The following KIF7 variants were observed in gnomAD, a reference collection of about 807,000 sequenced individuals.
The protein encoded by KIF7 is kinesin-like protein KIF7.
Under a neutral mutation model 135.7 loss-of-function variants are expected in KIF7, and 104 were observed. That is an observed-to-expected ratio of 0.77 (90% CI 0.65 to 0.90). The LOEUF (loss-of-function observed/expected upper bound fraction) is 0.90. Ranked by LOEUF, KIF7 falls within the 40% of genes least tolerant of loss-of-function variation. The pLI is 0.00. For synonymous variants in KIF7, 883 were observed against 809.4 expected (o/e 1.09, Z -1.54); for missense variants, 2,005 against 1,839.1 (o/e 1.09, Z -1.65).
At chr15:89,625,506 G>T, downstream of KIF7, 1 of 1,613,838 alleles carries the variant, frequency 6.2e-7, no homozygotes, top group South Asian at 1.1e-5. Context: ...TCCACAGGAC[G>T]CCCATCTTGG....
At chr15:89,655,075 G>A (rs763053619) in intron 1 of KIF7, among the ~76,000 whole-genome samples, 1 of 152,244 alleles carries the variant, frequency 6.6e-6, no homozygotes, top group Non-Finnish European at 1.5e-5. Context: ...TGGAGGCGGC[G>A]GGCGCGGGAC....
intron 2 of KIF7, among the ~76,000 whole-genome samples, chr15:89,651,866 A>G (rs1398862186): frequency 6.6e-6 from 1 of 152,194 alleles, no homozygotes; most frequent in Admixed American, 6.5e-5. Context: ...AAATGGGATT[A>G]GTTCCCTTAT....
At chr15:89,639,989 G>C (rs901682767) in intron 11 of KIF7, among the ~76,000 whole-genome samples, 4 of 152,216 alleles carry the variant, frequency 2.6e-5, no homozygotes, top group Non-Finnish European at 4.4e-5. Context: ...CATGTCCTTT[G>C]TAGGGACATG....
In KIF7 at chr15:89,648,994, G is replaced by A; in HGVS notation, c.903C>T (p.Tyr301=). The change falls in exon 4 of 19, where the codon TAC becomes TAT. Residue 301 remains tyrosine, a synonymous_variant. Coordinates refer to ENST00000394412, the MANE Select transcript of KIF7 (RefSeq NM_198525.3). ...CTCACCGGGTGATCTTGGAGTCGCG[G>A]TAGGGTATGTGGCTGCCCCGGCGCT... ...DPQRRGSHIP[Y]RDSKITRILK... 1 of 1,544,218 alleles carries A rather than the reference G, an allele frequency of 6.5e-7. No homozygotes were observed. Among genetic ancestry groups the A allele is most frequent in the Non-Finnish European group, 8.7e-7 (1 of 1,144,582 alleles).
chr15:89,628,587 C>T lies in KIF7; in HGVS notation c.3864G>A (p.Gly1288=), dbSNP rs780483011. The T allele has an allele frequency of 6.2e-7, 1 of 1,613,524 alleles. No homozygotes were observed. The highest frequency in any genetic ancestry group is 8.5e-7 in the Non-Finnish European group (1 of 1,180,010). The change falls in exon 19 of 19, where the codon GGG becomes GGA. Residue 1288 remains glycine, a synonymous_variant. Transcript: ENST00000394412. ...CCCGCTGCCTCAGTTCCTCGGGGGA[C>T]CCCTGCTCCTCACCACACAGGCTCG... ...KRSSLCGEEQ[G]SPEELRQREA...
Position 89,652,749 on chromosome 15 carries a change from A to C in KIF7, c.182T>G (p.Leu61Arg). 1 of 1,551,720 alleles carries C rather than the reference A, an allele frequency of 6.4e-7. No individual in the cohort carries two copies. Among genetic ancestry groups the C allele is most frequent in the Non-Finnish European group, 8.7e-7 (1 of 1,146,982 alleles). The change falls in exon 2 of 19, where the codon CTG (leucine) becomes CGG (arginine). Residue 61 changes from leucine (L) to arginine (R), a missense_variant. Leu to Arg is a moderately radical substitution (Grantham distance 102, BLOSUM62 -2). Transcript: ENST00000394412. ...RDRHFGFHVV[L>R]AEDAGQEAVY... is the part of the protein sequence containing the mutation. ...GGCCTCCTGCCCCGCATCCTCGGCC[A>C]GCACCACGTGGAAGCCAAAGTGTCG... is the stretch of plus-strand genomic sequence containing the variant.
downstream of KIF7, chr15:89,625,006 C>T (rs1178488594): frequency 1.2e-6 from 2 of 1,614,090 alleles, no homozygotes; most frequent in Non-Finnish European, 1.7e-6. Flanking sequence ...GCTGGAGATG[C>T]AAGCTTCTGG....
intron 11 of KIF7, among the ~76,000 whole-genome samples, chr15:89,637,427 C>A (rs1355453020): frequency 6.6e-6 from 1 of 151,740 alleles, no homozygotes; most frequent in East Asian, 1.9e-4. Flanking sequence ...ATTGATAGAC[C>A]ACTAGCAAGA....
At chr15:89,626,950 T>G, downstream of KIF7, 3 of 1,613,726 alleles carry the variant, frequency 1.9e-6, no homozygotes, top group Non-Finnish European at 1.7e-6. Flanking sequence ...TTCTACCTTC[T>G]TCTAGATGAG....
chr15:89,625,107 G>A, downstream of KIF7: 1 of 1,613,926 alleles, frequency 6.2e-7, no homozygotes, highest in African/African-American at 1.3e-5. Context: ...TGGGAGAAGA[G>A]AGCTTCCTCC....
chr15:89,631,365 T>G (rs1372353102), intron 15 of KIF7, 130 bp downstream of exon 15: 1 of 812,314 alleles, frequency 1.2e-6, no homozygotes, highest in African/African-American at 1.7e-5. Flanking sequence ...CACCTCCACC[T>G]AACAGTGAAA....
At chr15:89,638,593 T>G (rs1423650276) in intron 11 of KIF7, among the ~76,000 whole-genome samples, 1 of 151,832 alleles carries the variant, frequency 6.6e-6, no homozygotes, top group Non-Finnish European at 1.5e-5. Context: ...ACAAGGGATG[T>G]GAAGGACCTC....
At chr15:89,646,367 G>A (rs1964013162) in intron 7 of KIF7, among the ~76,000 whole-genome samples, 1 of 152,154 alleles carries the variant, frequency 6.6e-6, no homozygotes, top group Non-Finnish European at 1.5e-5. Context: ...CCCCAGCTTT[G>A]AGAGCTGAGA....
chr15:89,629,082 A>C lies in KIF7; in HGVS notation c.3558T>G (p.Tyr1186Ter). The change falls in exon 18 of 19, where the codon TAT (tyrosine) becomes TAG (stop). Residue 1186 changes from tyrosine to a stop codon, truncating the protein, a stop_gained. Coordinates refer to ENST00000394412, the MANE Select transcript of KIF7 (RefSeq NM_198525.3). LOFTEE classifies it high-confidence loss of function. ...GEGLADSRRQ[Y>*]EARIQALEKE... ...TCTCCAGAGCTTGAATCCGGGCCTC[A>C]TACTGCCTCCTGCTGTCTGCTAACC... The C allele has an allele frequency of 6.2e-7, 1 of 1,612,832 alleles. No homozygotes were observed. The highest frequency in any genetic ancestry group is 2.2e-5 in the East Asian group (1 of 44,808).
In KIF7 at chr15:89,629,340, G is replaced by T. The variant is rs770122389; in HGVS notation, c.3517+35C>A. ...AGATGGGGGTGGGGGGGATGGAGGG[G>T]GCCGGGGTTGTGAGCCATGGGCCGG... On this transcript the variant is annotated intron_variant, in intron 17 of 18. Transcript: ENST00000394412. The T allele has an allele frequency of 5.0e-6, 7 of 1,400,024 alleles. No homozygotes were observed. The Admixed American group carries it at 5.5e-5, about 11-fold the overall frequency. 86.7% of individuals were successfully genotyped at this position (1,400,024 alleles called of 1,614,324 possible).
intron 2 of KIF7, chr15:89,650,160 T>C: frequency 1.7e-6 from 1 of 575,332 alleles, no homozygotes; most frequent in East Asian, 3.0e-5. Context: ...CAACCTCTCC[T>C]GATTCAATCA....
chr15:89,651,203 G>A (rs1264761961), intron 2 of KIF7, among the ~76,000 whole-genome samples: 4 of 152,112 alleles, frequency 2.6e-5, no homozygotes, highest in Non-Finnish European at 5.9e-5. Context: ...AGGTTCAAGC[G>A]ATTCCCCTGC....
chr15:89,627,099 C>T, downstream of KIF7: 1 of 1,613,752 alleles, frequency 6.2e-7, no homozygotes, highest in Non-Finnish European at 8.5e-7. Flanking sequence ...ACAAACATTA[C>T]TGAGCCCAAA....
chr15:89,624,092 C>G (rs748615904), downstream of KIF7: 1 of 1,613,798 alleles, frequency 6.2e-7, no homozygotes, highest in East Asian at 2.2e-5. Flanking sequence ...ATGGGCACGC[C>G]TCAGAATCAA....
Sources: allele counts gnomAD v4.1 joint callset (sites outside exome capture counted in the v4.1 genomes callset), GRCh38; gene constraint gnomAD v4.1.1; transcripts MANE v1.5; gene names NCBI Gene and HGNC (gene_info 2026-07-23, HGNC 2026-07-21).